The following RBMS3 variants were observed in gnomAD, a reference collection of about 807,000 sequenced individuals.
RBMS3 encodes RNA-binding motif, single-stranded-interacting protein 3.
A neutral mutation model predicts 66.8 loss-of-function variants in RBMS3; 27 were observed. That is an observed-to-expected ratio of 0.40 (90% CI 0.30 to 0.56). The LOEUF (loss-of-function observed/expected upper bound fraction) is 0.56, where lower values mean the gene tolerates loss of function less well. Ranked by LOEUF, RBMS3 falls within the 20% of genes least tolerant of loss-of-function variation. RBMS3 has a pLI of 0.40. For missense variants in RBMS3, 513 were observed against 549.5 expected (o/e 0.93, Z 0.66); for synonymous variants, 188 against 183.0 (o/e 1.03, Z -0.22).
intron 6 of RBMS3, among the ~76,000 whole-genome samples, chr3:29,868,286 T>A (rs7629442): frequency 0.02 from 2,976 of 152,284 alleles, 85 homozygotes; most frequent in African/African-American, 0.069. Flanking sequence ...ATTATAATAA[T>A]TGTTCTCCCT....
rs994888998 is a variant in RBMS3, at chr3:30,009,638, A to ACAGT, written c.*5779_*5782dup. Reference sequence around the variant, plus strand: ...TGAGAGTATAACGGTAGCTCTTGGTACAGTCATATTCATATTTTTAAATCT... The same window carrying ACAGT: ...TGAGAGTATAACGGTAGCTCTTGGTACAGTCAGTCATATTCATATTTTTAAATCT... On this transcript the variant is annotated 3_prime_UTR_variant, in exon 15 of 15. Transcript: ENST00000383767. The ACAGT allele has an allele frequency of 6.6e-4, 100 of 152,296 alleles. 1 individual carries two copies. The highest frequency in any genetic ancestry group is 2.3e-3 in the African/African-American group (96 of 41,562). The allele number at this position is 152,296 out of a possible 1,614,324, so 9.4% of individuals were successfully genotyped here. A position where few individuals can be genotyped will look rare whatever the true frequency, so the allele number is the denominator to read the frequency against.
At chr3:29,719,530 T>A (rs1389697573) in intron 4 of RBMS3, among the ~76,000 whole-genome samples, 1 of 152,166 alleles carries the variant, frequency 6.6e-6, no homozygotes, top group Non-Finnish European at 1.5e-5. Flanking sequence ...ATGTTTATAT[T>A]TATAGATCAT....
intron 4 of RBMS3, among the ~76,000 whole-genome samples, chr3:29,600,496 C>T (rs1186496328): frequency 6.6e-6 from 1 of 152,006 alleles, no homozygotes; most frequent in Admixed American, 6.6e-5. Context: ...CACCAGATGC[C>T]CAGTCTTCCA....
At chr3:29,936,843 T>C (rs1443651906) in intron 11 of RBMS3, among the ~76,000 whole-genome samples, 2 of 152,008 alleles carry the variant, frequency 1.3e-5, no homozygotes, top group Non-Finnish European at 2.9e-5. Context: ...GCATTTTAAA[T>C]CATAAGAAAA....
At chr3:29,396,632 A>G (rs1260080867) in intron 1 of RBMS3, among the ~76,000 whole-genome samples, 1 of 152,180 alleles carries the variant, frequency 6.6e-6, no homozygotes, top group African/African-American at 2.4e-5. Flanking sequence ...TTAGATGGAC[A>G]AATAAATCTA....
intron 6 of RBMS3, among the ~76,000 whole-genome samples, chr3:29,845,247 G>T (rs935129047): frequency 3.3e-5 from 5 of 152,136 alleles, no homozygotes; most frequent in African/African-American, 9.7e-5. Flanking sequence ...TATTTTAGAG[G>T]GAGTGCAAGT....
At chr3:29,489,906 G>A (rs532160546) in intron 3 of RBMS3, among the ~76,000 whole-genome samples, 173 of 151,704 alleles carry the variant, frequency 1.1e-3, no homozygotes, top group South Asian at 3.9e-3. Context: ...AGCTGGGCAC[G>A]GTTGTAGGCA....
intron 1 of RBMS3, among the ~76,000 whole-genome samples, chr3:29,374,866 A>G (rs1244541344): frequency 6.6e-6 from 1 of 152,218 alleles, no homozygotes; most frequent in Non-Finnish European, 1.5e-5. Context: ...ATTTACATGT[A>G]TTGTGTCTGT....
intron 6 of RBMS3, among the ~76,000 whole-genome samples, chr3:29,796,855 G>A (rs1350860169): frequency 6.6e-6 from 1 of 151,674 alleles, no homozygotes; most frequent in Non-Finnish European, 1.5e-5. Context: ...TGGGACTATA[G>A]GCACACCCCA....
At chr3:29,638,649 G>A (rs1189154073) in intron 4 of RBMS3, among the ~76,000 whole-genome samples, 10 of 151,838 alleles carry the variant, frequency 6.6e-5, no homozygotes, top group Admixed American at 5.9e-4. Context: ...CCTCAATCCT[G>A]AAATGCTCAG....
intron 4 of RBMS3, among the ~76,000 whole-genome samples, chr3:29,631,391 G>A (rs922125990): frequency 5.3e-5 from 8 of 151,814 alleles, no homozygotes; most frequent in African/African-American, 1.9e-4. Context: ...GAGGGTCTCA[G>A]TCAGATAAAG....
intron 2 of RBMS3, among the ~76,000 whole-genome samples, chr3:29,480,522 T>C (rs2043094237): frequency 6.6e-6 from 1 of 152,146 alleles, no homozygotes; most frequent in South Asian, 2.1e-4. Flanking sequence ...AAAGGATATT[T>C]CAAGAGGAAG....
rs1055712461 is a variant in RBMS3 at position 29,959,717 on chromosome 3, C to T, written c.1098+15463C>T. The stretch of plus-strand genomic sequence containing the variant: ...CGGGAGGCCTCAGGAAACTTACAAT[C>T]GTGGTGGAAGGGGAAGCAAACACAT... On this transcript the variant is annotated intron_variant, in intron 12 of 14. Coordinates refer to ENST00000383767, the MANE Select transcript of RBMS3 (RefSeq NM_001003793.3). Among the ~76,000 whole-genome samples, 8 of 152,166 alleles carry T rather than the reference C, an allele frequency of 5.3e-5. No homozygotes were observed. The South Asian group carries it at 1.2e-3, about 24-fold the overall frequency.
intron 9 of RBMS3, among the ~76,000 whole-genome samples, chr3:29,898,523 TA>T (rs773496208): frequency 3.0e-4 from 46 of 151,690 alleles, no homozygotes; most frequent in Non-Finnish European, 3.0e-4. Context: ...CACTTTTCCT[TA>T]ACTGATTCCC....
At chr3:29,577,315 T>C (rs2047154038) in intron 3 of RBMS3, among the ~76,000 whole-genome samples, 1 of 152,208 alleles carries the variant, frequency 6.6e-6, no homozygotes. Context: ...TGTCTGCCCC[T>C]TAGGCAGAAG....
intron 1 of RBMS3, among the ~76,000 whole-genome samples, chr3:29,419,047 A>G (rs555730657): frequency 6.6e-6 from 1 of 152,214 alleles, no homozygotes; most frequent in Non-Finnish European, 1.5e-5. Flanking sequence ...AATACAGTTT[A>G]CAGTAAAATA....
chr3:29,476,995 A>G (rs935953757), intron 2 of RBMS3, among the ~76,000 whole-genome samples: 1 of 152,218 alleles, frequency 6.6e-6, no homozygotes, highest in Non-Finnish European at 1.5e-5. Flanking sequence ...TTAGGTACTT[A>G]TTCATAGTAA....
At chr3:29,615,171 T>A (rs1354141918) in intron 4 of RBMS3, 2 of 152,500 alleles carry the variant, frequency 1.3e-5, no homozygotes, top group Non-Finnish European at 2.9e-5. Context: ...CACATTTTGA[T>A]AACTGGTTCC....
At chr3:29,509,048 T>G (rs904937780) in intron 3 of RBMS3, among the ~76,000 whole-genome samples, 2 of 146,246 alleles carry the variant, frequency 1.4e-5, no homozygotes, top group Non-Finnish European at 3.0e-5. Flanking sequence ...ATGGGGTTGG[T>G]TTTTTTTTTT....
Sources: gnomAD v4.1 joint callset for allele counts (sites outside exome capture counted in the v4.1 genomes callset) on GRCh38, gnomAD v4.1.1 for gene constraint, MANE v1.5 for transcripts, NCBI Gene and HGNC (gene_info 2026-07-23, HGNC 2026-07-21) for gene names.